AMBRA1: variants seen among roughly 807,000 people sequenced by gnomAD.
AMBRA1 encodes the protein autophagy and beclin 1 regulator 1, also known as activating molecule in BECN1-regulated autophagy protein 1.
A neutral mutation model predicts 125.4 loss-of-function variants in AMBRA1; 47 were observed. The ratio of observed to expected loss-of-function variants is 0.37; its 90% CI spans 0.30 to 0.48. The LOEUF is 0.48. AMBRA1 is among the 20% of genes least tolerant of loss of function. The pLI is 0.99. For synonymous variants in AMBRA1, 626 were observed against 655.5 expected, an observed-to-expected ratio of 0.95 and a Z score of 0.69; for missense variants, 1,331 against 1,693.4, an observed-to-expected ratio of 0.79 and a Z score of 3.76.
chr11:46,527,511 C>T (rs1356708087), intron 7 of AMBRA1, among the ~76,000 whole-genome samples: 2 of 113,314 alleles, frequency 1.8e-5, no homozygotes, highest in African/African-American at 3.4e-5. Flanking sequence ...AAAAGGCAAC[C>T]TATGGAATGG....
intron 9 of AMBRA1, chr11:46,495,176 C>T (rs907755528): frequency 6.6e-6 from 1 of 152,220 alleles, no homozygotes; most frequent in African/African-American, 2.4e-5. Context: ...AGCCAAAGGG[C>T]ACTGGCTGGA....
rs115961727 is a variant in AMBRA1, at chr11:46,481,040, T to C, written c.2521+12568A>G. On this transcript the variant is annotated intron_variant, in intron 11 of 17. Coordinates refer to ENST00000683756, the MANE Select transcript of AMBRA1 (RefSeq NM_001387011.1). ...ATGCCAATAGCAACTTAATGTCCTC[T>C]TGGCTCTTTTGGCTGACTTCCCTGT... Among the ~76,000 whole-genome samples, 655 of 152,350 alleles carry C rather than the reference T, an allele frequency of 4.3e-3. 3 individuals are homozygous for C. The highest frequency in any genetic ancestry group is 0.015 in the African/African-American group (610 of 41,594).
chr11:46,516,790 T>C (rs1216917403), intron 7 of AMBRA1, among the ~76,000 whole-genome samples: 2 of 151,942 alleles, frequency 1.3e-5, no homozygotes, highest in African/African-American at 4.8e-5. Flanking sequence ...CGGGAAATGG[T>C]AGGAGAAAAT....
chr11:46,481,184 CA>C (rs1311128658), intron 11 of AMBRA1, among the ~76,000 whole-genome samples: 3 of 152,150 alleles, frequency 2.0e-5, no homozygotes, highest in Non-Finnish European at 4.4e-5. Flanking sequence ...CAATTACACC[CA>C]AACAGCTCTG....
intron 1 of AMBRA1, among the ~76,000 whole-genome samples, chr11:46,587,429 A>G (rs929596294): frequency 6.6e-5 from 10 of 152,212 alleles, no homozygotes; most frequent in East Asian, 1.9e-4. Context: ...CTAGATATTT[A>G]TAAGTCCTAG....
intron 1 of AMBRA1, among the ~76,000 whole-genome samples, chr11:46,549,662 T>G (rs1206529055): frequency 2.0e-5 from 3 of 152,234 alleles, no homozygotes; most frequent in East Asian, 1.9e-4. Context: ...GTCCAAAAAA[T>G]TTCATTTATG....
intron 11 of AMBRA1, among the ~76,000 whole-genome samples, chr11:46,458,617 G>T (rs1165122108): frequency 6.6e-6 from 1 of 152,078 alleles, no homozygotes; most frequent in Non-Finnish European, 1.5e-5. Context: ...TTTTTTAAGA[G>T]ACAAGATCTT....
chr11:46,534,367 C>T (rs1457069648), intron 7 of AMBRA1, among the ~76,000 whole-genome samples: 4 of 151,776 alleles, frequency 2.6e-5, no homozygotes, highest in Non-Finnish European at 4.4e-5. Flanking sequence ...TGGTGGCAGG[C>T]GCCTGTAATC....
At chr11:46,424,793 T>G (rs553625229) in intron 14 of AMBRA1, among the ~76,000 whole-genome samples, 1 of 152,036 alleles carries the variant, frequency 6.6e-6, no homozygotes, top group Non-Finnish European at 1.5e-5. Flanking sequence ...TGGGCTATGA[T>G]AGTGCCACTG....
intron 14 of AMBRA1, among the ~76,000 whole-genome samples, chr11:46,421,706 C>T (rs1354571624): frequency 1.3e-5 from 2 of 152,224 alleles, no homozygotes; most frequent in Non-Finnish European, 2.9e-5. Flanking sequence ...AAATACCTCT[C>T]ACAATTAGCC....
At chr11:46,512,934 A>G in intron 7 of AMBRA1, 121 bp from the exon 8 acceptor site, 1 of 810,598 alleles carries the variant, frequency 1.2e-6, no homozygotes, top group South Asian at 2.0e-5. Context: ...AACGCCTGTT[A>G]TCTGGGATCA....
At chr11:46,552,557 C>T (rs937615013) in intron 1 of AMBRA1, among the ~76,000 whole-genome samples, 6 of 151,078 alleles carry the variant, frequency 4.0e-5, no homozygotes, top group East Asian at 3.9e-4. Flanking sequence ...TGATGGTACG[C>T]GCCTGTAATC....
At chr11:46,568,287 G>A (rs570737643) in intron 1 of AMBRA1, among the ~76,000 whole-genome samples, 9 of 151,692 alleles carry the variant, frequency 5.9e-5, no homozygotes, top group Admixed American at 2.0e-4. Flanking sequence ...GTGAAACCCC[G>A]TCTCTACTAA....
chr11:46,572,151 A>C (rs539756180), intron 1 of AMBRA1, among the ~76,000 whole-genome samples: 16 of 152,094 alleles, frequency 1.1e-4, no homozygotes, highest in Admixed American at 7.9e-4. Context: ...AAATACAAAA[A>C]TTTGCTGGGC....
chr11:46,553,342 C>G (rs1222678726), intron 1 of AMBRA1, among the ~76,000 whole-genome samples: 1 of 152,166 alleles, frequency 6.6e-6, no homozygotes, highest in African/African-American at 2.4e-5. Flanking sequence ...AAAGAGTACA[C>G]AACCAGATGT....
chr11:46,569,438 A>ATATATAT (rs1320055263), intron 1 of AMBRA1, among the ~76,000 whole-genome samples: 238 of 134,182 alleles, frequency 1.8e-3, no homozygotes, highest in Non-Finnish European at 2.5e-3. Context: ...TAAAAAAAAA[A>ATATATAT]AAATATATAT....
intron 1 of AMBRA1, among the ~76,000 whole-genome samples, chr11:46,579,642 G>A (rs2044102186): frequency 6.6e-6 from 1 of 152,112 alleles, no homozygotes; most frequent in Non-Finnish European, 1.5e-5. Flanking sequence ...ACAAAAAATG[G>A]AAAGGTACAG....
chr11:46,397,495 G>A lies in AMBRA1; in HGVS notation c.3852C>T (p.Ser1284=). The change falls in exon 18 of 18, where the codon AGC becomes AGT. Residue 1284 remains serine (S), a synonymous_variant. Transcript: ENST00000683756. ...CCCTAGGGCCTGCAGCGTCCCCCCTGCTGCTGCCACCATCCAGAAGGTGGT... is the reference window on the plus strand; with the variant it reads ...CCCTAGGGCCTGCAGCGTCCCCCCTACTGCTGCCACCATCCAGAAGGTGGT... The part of the protein sequence containing the change: ...NNNHLLDGGS[S]RGDAAGPRGE... The A allele has an allele frequency of 6.5e-7, 1 of 1,527,510 alleles. No individual in the cohort carries two copies. The allele number at this position is 1,527,510 out of a possible 1,614,324, so 94.6% of individuals were successfully genotyped here. A position where few individuals can be genotyped will look rare whatever the true frequency, so the allele number is the denominator to read the frequency against.
intron 10 of AMBRA1, 70 bp from the exon 11 acceptor site, chr11:46,493,778 T>C (rs1674638178): frequency 7.8e-7 from 1 of 1,275,902 alleles, no homozygotes; most frequent in Non-Finnish European, 1.1e-6. Flanking sequence ...CTACCTACAC[T>C]GAAAAATCTG....
Sources: allele counts gnomAD v4.1 joint callset (sites outside exome capture counted in the v4.1 genomes callset), GRCh38; gene constraint gnomAD v4.1.1; transcripts MANE v1.5; gene names NCBI Gene and HGNC (gene_info 2026-07-23, HGNC 2026-07-21).